Variants in NACC2 observed in about 807,000 individuals in gnomAD.
The protein encoded by NACC2 is NACC family member 2, also known as nucleus accumbens-associated protein 2.
NACC2 carries 8 observed loss-of-function variants against 25.1 expected under a neutral mutation model. That is an observed-to-expected ratio of 0.32 (90% CI 0.19 to 0.57). The LOEUF is 0.57. Ranked by LOEUF, NACC2 falls within the 20% of genes least tolerant of loss-of-function variation. NACC2 has a pLI of 0.89. For synonymous variants in NACC2, 435 were observed against 294.7 expected (o/e 1.48, Z -4.88); for missense variants, 644 against 650.2 (o/e 0.99, Z 0.10).
rs1840358897 is a variant in NACC2, at chr9:136,024,554, TGTGTGTAAGGACAGA to T, written c.887-8140_887-8126del. 7.3e-5 allele frequency among the ~76,000 whole-genome samples: 11 copies of T among 149,980 alleles called. No homozygotes were observed. The South Asian group carries it at 1.9e-3, about 26-fold the overall frequency. On this transcript the variant is annotated intron_variant, in intron 2 of 5. Transcript: ENST00000277554. ...GTGTGGACAGTGTGTGTGAGGACAG[TGTGTGTAAGGACAGA>T]GTGTGTGTGTAAGGACAGAGTGTGC...
rs543540208 is a variant in NACC2, at chr9:136,026,137, C to T, written c.887-9708G>A. ...GGCAGATCACTTGAGGTTAGGAGTT[C>T]GAGACCAGCTTGGCTAACATGGCAA... On this transcript the variant is annotated intron_variant, in intron 2 of 5. Coordinates refer to ENST00000277554, the MANE Select transcript of NACC2 (RefSeq NM_144653.5). Among the ~76,000 whole-genome samples, 270 of 151,722 alleles carry T rather than the reference C, an allele frequency of 1.8e-3. 2 individuals carry two copies. The highest frequency in any genetic ancestry group is 3.0e-3 in the Non-Finnish European group (207 of 67,882).
intron 5 of NACC2, 57 bp from the exon 6 acceptor site, chr9:136,012,081 C>T (rs1216962087): frequency 6.8e-7 from 1 of 1,461,138 alleles, no homozygotes; most frequent in Non-Finnish European, 9.0e-7. Context: ...GCCCGCCCCT[C>T]CCCAAGGCCA....
chr9:136,030,369 C>T (rs754648236), intron 2 of NACC2, among the ~76,000 whole-genome samples: 3 of 151,910 alleles, frequency 2.0e-5, no homozygotes, highest in South Asian at 2.1e-4. Context: ...CAGCACTTTG[C>T]GAGGCCAAGG....
intron 3 of NACC2, among the ~76,000 whole-genome samples, chr9:136,014,924 C>T (rs113240000): frequency 6.6e-6 from 1 of 152,174 alleles, no homozygotes; most frequent in African/African-American, 2.4e-5. Context: ...CCTCTGGGAA[C>T]AATGGGGAGG....
chr9:136,028,538 G>A (rs1056627613), intron 2 of NACC2, among the ~76,000 whole-genome samples: 5 of 152,136 alleles, frequency 3.3e-5, no homozygotes, highest in African/African-American at 7.2e-5. Flanking sequence ...GCGGTGGCCC[G>A]TCTGGACCAG....
chr9:136,075,796 G>A (rs1307974406), intron 1 of NACC2, among the ~76,000 whole-genome samples: 3 of 152,218 alleles, frequency 2.0e-5, no homozygotes, highest in Non-Finnish European at 4.4e-5. Context: ...GGGGTCTTGG[G>A]TTTGGGCTCT....
chr9:136,067,899 C>T (rs1256813886), intron 1 of NACC2, among the ~76,000 whole-genome samples: 1 of 152,236 alleles, frequency 6.6e-6, no homozygotes, highest in Admixed American at 6.5e-5. Context: ...TATGGCATAG[C>T]CTAGTGCTCC....
chr9:136,076,048 G>A (rs1280674032), intron 1 of NACC2, among the ~76,000 whole-genome samples: 2 of 152,142 alleles, frequency 1.3e-5, no homozygotes, highest in Non-Finnish European at 2.9e-5. Context: ...AAGAGATCCT[G>A]CAAAGAACAG....
At chr9:136,054,082 A>G (rs1165573127) in intron 1 of NACC2, among the ~76,000 whole-genome samples, 1 of 152,204 alleles carries the variant, frequency 6.6e-6, no homozygotes, top group Non-Finnish European at 1.5e-5. Flanking sequence ...GGTGAATGGA[A>G]CAATGTTTGT....
chr9:136,032,041 T>C (rs905480994), intron 2 of NACC2, among the ~76,000 whole-genome samples: 1 of 142,516 alleles, frequency 7.0e-6, no homozygotes, highest in Non-Finnish European at 1.5e-5. Context: ...CTGCCCAGGT[T>C]TGACCACAGA....
intron 1 of NACC2, among the ~76,000 whole-genome samples, chr9:136,068,784 G>C (rs1256706810): frequency 2.0e-5 from 3 of 151,686 alleles, no homozygotes; most frequent in Admixed American, 6.6e-5. Context: ...TGGCTCACAG[G>C]AAGGCAGGAA....
At chr9:136,059,010 G>A (rs374639559) in intron 1 of NACC2, among the ~76,000 whole-genome samples, 1 of 152,388 alleles carries the variant, frequency 6.6e-6, no homozygotes, top group East Asian at 1.9e-4. Flanking sequence ...TCTGCAGGGA[G>A]AGGCAGTGTG....
intron 2 of NACC2, among the ~76,000 whole-genome samples, chr9:136,017,516 C>A (rs959339265): frequency 6.6e-6 from 1 of 152,110 alleles, no homozygotes; most frequent in Non-Finnish European, 1.5e-5. Context: ...TGTTGCCCCC[C>A]ACCCCCACCA....
At chr9:136,077,878 C>T (rs1429434508) in intron 1 of NACC2, among the ~76,000 whole-genome samples, 1 of 152,194 alleles carries the variant, frequency 6.6e-6, no homozygotes, top group African/African-American at 2.4e-5. Context: ...CAAAGGTGTG[C>T]CTTTGGGAGT....
rs73668058 is a variant in NACC2 at position 136,061,389 on chromosome 9, C to T, written c.-59-10809G>A. On this transcript the variant is annotated intron_variant, in intron 1 of 5. Coordinates refer to ENST00000277554, the MANE Select transcript of NACC2 (RefSeq NM_144653.5). ...AGCCCTCAGATAGAGGGGTCCCCTC[C>T]CTCCAGGCCCAGATGCTGGAGGTCA... Among the ~76,000 whole-genome samples, 528 of 152,296 alleles carry T rather than the reference C, an allele frequency of 3.5e-3. 6 individuals carry two copies. Among genetic ancestry groups the T allele is most frequent in the African/African-American group, 0.012 (509 of 41,564 alleles).
rs934926709 is a variant in NACC2, at chr9:136,051,097, C to T, written c.-59-517G>A. On this transcript the variant is annotated intron_variant, in intron 1 of 5. Transcript: ENST00000277554. ...CGGTTTGCTTTCCCTCTCTTCCCTCCGAGCAGCCTCGCAGAGGGCCCCTGC... is the reference window on the plus strand; with the variant it reads ...CGGTTTGCTTTCCCTCTCTTCCCTCTGAGCAGCCTCGCAGAGGGCCCCTGC... 1.1e-3 allele frequency among the ~76,000 whole-genome samples: 170 copies of T among 152,316 alleles called. 1 individual carries two copies. Among genetic ancestry groups the T allele is most frequent in the African/African-American group, 4.0e-3 (165 of 41,590 alleles).
intron 2 of NACC2, among the ~76,000 whole-genome samples, chr9:136,042,882 A>G: frequency 6.6e-6 from 1 of 151,786 alleles, no homozygotes; most frequent in Admixed American, 6.6e-5. Context: ...ACAGACACAC[A>G]CACAGACACA....
At chr9:136,052,953 C>T (rs1473964508) in intron 1 of NACC2, among the ~76,000 whole-genome samples, 4 of 152,374 alleles carry the variant, frequency 2.6e-5, no homozygotes, top group Admixed American at 2.6e-4. Flanking sequence ...GGCCCTGAGG[C>T]TGACCTCTGG....
Position 136,050,538 on chromosome 9 carries a change from C to A in NACC2, c.-17G>T. The A allele has an allele frequency of 1.3e-6, 1 of 754,452 alleles. No individual in the cohort carries two copies. The highest frequency in any genetic ancestry group is 2.4e-6 in the Non-Finnish European group (1 of 413,994). The allele number at this position is 754,452 out of a possible 1,614,324, so 46.7% of individuals were successfully genotyped here. ...CTGAGACATGGCGGGCGGGCAGCGG[C>A]GGGGCTGGGCTCTCAGCGCGGGGCG... On this transcript the variant is annotated 5_prime_UTR_variant, in exon 2 of 6. Coordinates refer to ENST00000277554, the MANE Select transcript of NACC2 (RefSeq NM_144653.5).
Sources: gnomAD v4.1 joint callset for allele counts (sites outside exome capture counted in the v4.1 genomes callset) on GRCh38, gnomAD v4.1.1 for gene constraint, MANE v1.5 for transcripts, NCBI Gene and HGNC (gene_info 2026-07-23, HGNC 2026-07-21) for gene names.